The following CREBBP variants were observed in gnomAD, a reference collection of about 807,000 sequenced individuals.
CREBBP encodes CREB binding lysine acetyltransferase.
In CREBBP, 19 loss-of-function variants were observed where a neutral mutation model predicts 265.0. The observed-to-expected ratio is 0.07, with a 90% confidence interval of 0.05 to 0.11. The LOEUF is 0.11. CREBBP is among the 10% of genes least tolerant of loss of function. The pLI, the probability that CREBBP is intolerant of heterozygous loss-of-function variation, is 1.00. For synonymous variants in CREBBP, 1,457 were observed against 1,223.7 expected, an observed-to-expected ratio of 1.19 and a Z score of -3.98; for missense variants, 2,525 against 3,219.0, an observed-to-expected ratio of 0.78 and a Z score of 5.22.
At chr16:3,738,062 A>T (rs2052113046) in intron 26 of CREBBP, among the ~76,000 whole-genome samples, 1 of 151,954 alleles carries the variant, frequency 6.6e-6, no homozygotes, top group African/African-American at 2.4e-5. Context: ...CTGAGATTAC[A>T]GGTGTGAGCC....
At chr16:3,851,585 T>A (rs909276081) in intron 1 of CREBBP, among the ~76,000 whole-genome samples, 1 of 152,132 alleles carries the variant, frequency 6.6e-6, no homozygotes, top group African/African-American at 2.4e-5. Context: ...CCGGGCATGG[T>A]GGCTCAAGCC....
chr16:3,730,079 G>A (rs1216508193), intron 30 of CREBBP, among the ~76,000 whole-genome samples: 1 of 138,904 alleles, frequency 7.2e-6, no homozygotes, highest in African/African-American at 3.4e-5. Flanking sequence ...GGACGGGATG[G>A]GATCATGGAC....
chr16:3,834,376 G>A (rs2054401442), intron 2 of CREBBP, among the ~76,000 whole-genome samples: 2 of 152,174 alleles, frequency 1.3e-5, no homozygotes, highest in East Asian at 1.9e-4. Context: ...GTAGGTAAAG[G>A]GATAATTGCC....
intron 15 of CREBBP, 146 bp from the exon 16 acceptor site, chr16:3,768,055 G>A (rs766467396): frequency 1.5e-5 from 11 of 716,740 alleles, no homozygotes; most frequent in East Asian, 2.8e-5. Flanking sequence ...CTTCTCTTCC[G>A]GAAGAAGAAA....
At position 3,731,697 on chromosome 16, in the gene CREBBP, C is replaced by T. The variant is rs1008030923; in HGVS notation, c.4890+79G>A. 3.3e-5 allele frequency: 52 copies of T among 1,593,582 alleles called. No individual in the cohort carries two copies. Among genetic ancestry groups the T allele is most frequent in the African/African-American group, 4.0e-5 (3 of 74,492 alleles). ...TTCCCTCCCACCACAGACCTGCACA[C>T]GGGCCCACGCCCGCCAGCTGCGAGT... On this transcript the variant is annotated intron_variant, in intron 29 of 30. Coordinates refer to ENST00000262367, the MANE Select transcript of CREBBP (RefSeq NM_004380.3). The surrounding 1 kb of genome is among the most constrained non-coding windows in gnomAD (Gnocchi z 7.7).
rs1300711905 is a variant in CREBBP, at chr16:3,774,644, T to G, written c.2208A>C (p.Gln736His). ...PMSLGNVQLP[Q>H]APMGPRAASP... ...AGGCTGCACGAGGTCCCATGGGTGC[T>G]TGTGGCAACTGGACGTTCCCCAAGG... The change falls in exon 12 of 31, where the codon CAA becomes CAC. Residue 736 changes from glutamine (Q) to histidine (H), a missense_variant. Gln to His is a conservative substitution (Grantham distance 24). Around this residue, in one of 19 missense-constraint regions of CREBBP, gnomAD observed 548 missense variants for 533.0 expected, o/e 1.03. Coordinates refer to ENST00000262367, the MANE Select transcript of CREBBP (RefSeq NM_004380.3). 1 of 1,614,218 alleles carries G rather than the reference T, an allele frequency of 6.2e-7. No individual in the cohort carries two copies. The highest frequency in any genetic ancestry group is 1.7e-5 in the Admixed American group (1 of 60,032).
At chr16:3,794,604 C>T (rs2053572443) in intron 3 of CREBBP, among the ~76,000 whole-genome samples, 1 of 152,184 alleles carries the variant, frequency 6.6e-6, no homozygotes, top group African/African-American at 2.4e-5. Context: ...AATTTCCACT[C>T]AGACAGCTGA....
At chr16:3,811,064 G>A (rs1475647717) in intron 2 of CREBBP, among the ~76,000 whole-genome samples, 5 of 151,670 alleles carry the variant, frequency 3.3e-5, no homozygotes, top group Admixed American at 3.3e-4. Context: ...ACCAACACCC[G>A]AAGAAAGTCA....
intron 6 of CREBBP, among the ~76,000 whole-genome samples, chr16:3,782,157 G>A (rs368450442): frequency 3.3e-5 from 5 of 152,286 alleles, no homozygotes; most frequent in African/African-American, 7.2e-5. Flanking sequence ...GTGAGCAAAC[G>A]ATCAAAGGCT....
chr16:3,847,239 T>G (rs2054686542), intron 2 of CREBBP, among the ~76,000 whole-genome samples: 1 of 152,232 alleles, frequency 6.6e-6, no homozygotes, highest in African/African-American at 2.4e-5. Flanking sequence ...ATTATGTATT[T>G]TAAATCTTTA....
At chr16:3,794,841 G>A (rs1391922269) in intron 3 of CREBBP, among the ~76,000 whole-genome samples, 3 of 152,168 alleles carry the variant, frequency 2.0e-5, no homozygotes, top group Non-Finnish European at 4.4e-5. Flanking sequence ...ATCATCCACA[G>A]TTCCGGGATT....
chr16:3,830,072 C>T (rs1039716547), intron 2 of CREBBP, among the ~76,000 whole-genome samples: 7 of 152,112 alleles, frequency 4.6e-5, no homozygotes, highest in Admixed American at 1.3e-4. Context: ...TCTAATGCTA[C>T]GCTGCTTACA....
intron 11 of CREBBP, among the ~76,000 whole-genome samples, chr16:3,777,342 T>C (rs974286739): frequency 2.6e-5 from 4 of 151,176 alleles, no homozygotes; most frequent in Non-Finnish European, 4.4e-5. Context: ...CTCAAAAAAA[T>C]AAAAATAAAA....
chr16:3,850,706 G>T lies in CREBBP; in HGVS notation c.389C>A (p.Ala130Asp), dbSNP rs1333746955. Residue 130 changes from alanine to aspartate, a missense_variant, in exon 2 of 31, where the codon GCC becomes GAC. Physicochemically the swap from Ala to Asp is moderately radical, Grantham distance 126. Coordinates refer to ENST00000262367, the MANE Select transcript of CREBBP (RefSeq NM_004380.3). The part of the protein sequence containing the change: ...KSPLSQGDSS[A>D]PSLPKQAAST... ...GGCTGCCTGTTTAGGCAGGCTGGGG[G>T]CTGAAGAATCTCCCTGGCTCAGAGG... The T allele has an allele frequency of 6.2e-7, 1 of 1,613,986 alleles. No individual in the cohort carries two copies. Among genetic ancestry groups the T allele is most frequent in the Non-Finnish European group, 8.5e-7 (1 of 1,180,058 alleles).
At chr16:3,751,098 A>G (rs2052462173) in intron 20 of CREBBP, among the ~76,000 whole-genome samples, 1 of 152,124 alleles carries the variant, frequency 6.6e-6, no homozygotes, top group South Asian at 2.1e-4. Context: ...ATTCCCCAAA[A>G]TGGAACCACT....
intron 2 of CREBBP, among the ~76,000 whole-genome samples, chr16:3,846,574 A>G (rs752859609): frequency 6.6e-6 from 1 of 152,258 alleles, no homozygotes; most frequent in Non-Finnish European, 1.5e-5. Flanking sequence ...CCTACATGGC[A>G]CAAGTCCTTA....
At chr16:3,849,651 G>GT (rs1467441760) in intron 2 of CREBBP, among the ~76,000 whole-genome samples, 1 of 149,966 alleles carries the variant, frequency 6.7e-6, no homozygotes, top group African/African-American at 2.5e-5. Flanking sequence ...GATCACAGGC[G>GT]TGAGTCACTG....
chr16:3,849,422 T>TGTGTGTGTGTGTGTGTGTGTGTGTGTGTG (rs2054746016), intron 2 of CREBBP, among the ~76,000 whole-genome samples: 1 of 7,078 alleles, frequency 1.4e-4, no homozygotes, highest in Admixed American at 2.6e-3. Flanking sequence ...TGTGTGTGTG[T>TGTGTGTGTGTGTGTGTGTGTGTGTGTGTG]GTGTGTGTGT....
chr16:3,849,095 T>C (rs1267959463), intron 2 of CREBBP, among the ~76,000 whole-genome samples: 1 of 152,158 alleles, frequency 6.6e-6, no homozygotes, highest in Non-Finnish European at 1.5e-5. Context: ...AAACTGATTT[T>C]CTGTTCTGGG....
Sources: gnomAD v4.1 joint callset for allele counts (sites outside exome capture counted in the v4.1 genomes callset) on GRCh38, gnomAD v4.1.1 for gene constraint, gnomAD v4.1.1 regional missense constraint, Gnocchi (gnomAD v3.1) non-coding constraint, MANE v1.5 for transcripts, NCBI Gene and HGNC (gene_info 2026-07-23, HGNC 2026-07-21) for gene names.